TENT5D: variants seen among roughly 807,000 people sequenced by gnomAD.
TENT5D encodes the protein cancer/testis antigen 112.
For missense variants in TENT5D, 191 were observed against 287.0 expected (o/e 0.67, Z 2.42); for synonymous variants, 103 against 100.6 (o/e 1.02, Z -0.15).
At chrX:80,413,337 A>C (rs1025906025) in intron 3 of TENT5D, among the ~76,000 whole-genome samples, 1 of 112,262 alleles carries the variant, frequency 8.9e-6, no homozygotes, top group African/African-American at 3.2e-5. Context: ...GCGTAAATAC[A>C]TAGACATATT....
chrX:80,371,392 C>T (rs1350164976), intron 3 of TENT5D, among the ~76,000 whole-genome samples: 1 of 111,515 alleles, frequency 9.0e-6, no homozygotes, highest in Non-Finnish European at 1.9e-5. Context: ...AACTTAAAGT[C>T]ACCAGCTGCA....
chrX:80,384,806 G>T (rs1930956611), intron 3 of TENT5D, among the ~76,000 whole-genome samples: 1 of 108,235 alleles, frequency 9.2e-6, no homozygotes, highest in African/African-American at 3.4e-5. Flanking sequence ...GCCAAATCAT[G>T]AGTGAACTCC....
At position 80,358,590 on chromosome X, in the gene TENT5D, G is replaced by T. The variant is rs182287492; in HGVS notation, c.-142+16026G>T. 4.6e-3 allele frequency among the ~76,000 whole-genome samples: 514 copies of T among 111,691 alleles called. 7 individuals carry two copies. The highest frequency in any genetic ancestry group is 0.016 in the African/African-American group (487 of 30,775). On this transcript the variant is annotated intron_variant, in intron 3 of 4. Coordinates refer to the TENT5D transcript ENST00000538312. The stretch of plus-strand genomic sequence containing the variant: ...GTTTTGTTTATTTTTTATTTTTTTG[G>T]AAATATTCTTTGGAGAATAGTTTCT...
chrX:80,438,622 G>C (rs182296069), exon 2 of TENT5D: 1 of 109,542 alleles, frequency 9.1e-6, no homozygotes, highest in East Asian at 2.9e-4. Flanking sequence ...TTTCTGGTTG[G>C]TGTATTACTT....
At chrX:80,337,057 C>G (rs773011057) in intron 2 of TENT5D, among the ~76,000 whole-genome samples, 18 of 111,795 alleles carry the variant, frequency 1.6e-4, no homozygotes, top group African/African-American at 5.8e-4. Context: ...TTTCTTAACA[C>G]TTAGGCACAG....
At chrX:80,434,289 A>T (rs1415286489) in intron 1 of TENT5D, among the ~76,000 whole-genome samples, 1 of 110,701 alleles carries the variant, frequency 9.0e-6, no homozygotes, top group Non-Finnish European at 1.9e-5. Context: ...GTCTGAATAG[A>T]AACTAAAACC....
chrX:80,357,841 G>A (rs1319701177), intron 3 of TENT5D, among the ~76,000 whole-genome samples: 1 of 111,572 alleles, frequency 9.0e-6, no homozygotes, highest in African/African-American at 3.3e-5. Context: ...AACTAAAAAA[G>A]AGCCTGCATT....
intron 3 of TENT5D, among the ~76,000 whole-genome samples, chrX:80,404,958 A>C (rs771058629): frequency 5.3e-5 from 6 of 112,403 alleles, no homozygotes; most frequent in African/African-American, 1.9e-4. Context: ...AGGAAAAGGC[A>C]AAAGAAAAGA....
intron 1 of TENT5D, among the ~76,000 whole-genome samples, chrX:80,423,538 G>A (rs1486492020): frequency 1.8e-5 from 2 of 110,403 alleles, no homozygotes; most frequent in African/African-American, 6.6e-5. Flanking sequence ...CTTGGTCTGG[G>A]ACCAATCAGG....
chrX:80,407,700 A>T (rs1371487588), intron 3 of TENT5D, among the ~76,000 whole-genome samples: 1 of 108,981 alleles, frequency 9.2e-6, no homozygotes, highest in Non-Finnish European at 1.9e-5. Context: ...AACGAGACAG[A>T]AAGTCAACAA....
At chrX:80,346,048 T>C (rs1286977983) in intron 3 of TENT5D, among the ~76,000 whole-genome samples, 1 of 112,311 alleles carries the variant, frequency 8.9e-6, no homozygotes, top group Non-Finnish European at 1.9e-5. Flanking sequence ...GTCATATTCT[T>C]CATTTGACTG....
chrX:80,430,477 A>G (rs764624834), intron 1 of TENT5D, among the ~76,000 whole-genome samples: 1 of 111,248 alleles, frequency 9.0e-6, no homozygotes, highest in East Asian at 2.8e-4. Context: ...TATTTTTTGT[A>G]GGCTTGGCTG....
exon 3 of TENT5D, chrX:80,445,085 G>T (rs1019608324): frequency 4.1e-5 from 5 of 122,344 alleles, no homozygotes; most frequent in African/African-American, 1.6e-4. Context: ...GCCAGTTATA[G>T]ACTGTGCTTA....
chrX:80,356,718 T>C (rs986947247), intron 3 of TENT5D, among the ~76,000 whole-genome samples: 2 of 111,926 alleles, frequency 1.8e-5, no homozygotes, highest in African/African-American at 6.5e-5. Flanking sequence ...TTTAATTATA[T>C]ATTAAGAATT....
chrX:80,376,839 T>C (rs1930737767), intron 3 of TENT5D, among the ~76,000 whole-genome samples: 1 of 111,644 alleles, frequency 9.0e-6, no homozygotes, highest in East Asian at 2.8e-4. Flanking sequence ...TTCACTTCCA[T>C]TTTAGCACTC....
At chrX:80,431,514 T>G (rs1383506155) in intron 1 of TENT5D, among the ~76,000 whole-genome samples, 1 of 112,026 alleles carries the variant, frequency 8.9e-6, no homozygotes, top group Non-Finnish European at 1.9e-5. Context: ...TGTGTATTAG[T>G]CTGTTTTCAT....
chrX:80,337,213 A>G (rs1929868778), intron 2 of TENT5D, among the ~76,000 whole-genome samples: 2 of 112,131 alleles, frequency 1.8e-5, no homozygotes, highest in Admixed American at 9.5e-5. Flanking sequence ...TTAGTTGTAT[A>G]TTAAATATTG....
chrX:80,418,182 C>T (rs1931813167), upstream of TENT5D, among the ~76,000 whole-genome samples: 1 of 109,942 alleles, frequency 9.1e-6, no homozygotes. Flanking sequence ...CAGGTTCTTG[C>T]TCTTTTGCCC....
intron 1 of TENT5D, among the ~76,000 whole-genome samples, chrX:80,435,794 GTTCT>G (rs1369261698): frequency 8.9e-6 from 1 of 112,313 alleles, no homozygotes; most frequent in African/African-American, 3.2e-5. Flanking sequence ...CACATATTTA[GTTCT>G]TTCTTTTGTA....
Sources: allele counts gnomAD v4.1 joint callset (sites outside exome capture counted in the v4.1 genomes callset), GRCh38; gene constraint gnomAD v4.1.1; transcripts MANE v1.5; gene names NCBI Gene and HGNC (gene_info 2026-07-23, HGNC 2026-07-21).